Variants in CPEB2 observed in about 807,000 individuals in gnomAD.
CPEB2 encodes cytoplasmic polyadenylation element-binding protein 2.
In CPEB2, 56 loss-of-function variants were observed where a neutral mutation model predicts 93.6. That is an observed-to-expected ratio of 0.60 (90% CI 0.48 to 0.75). The LOEUF (loss-of-function observed/expected upper bound fraction) is 0.75. Ranked by LOEUF, CPEB2 falls within the 30% of genes least tolerant of loss-of-function variation. The pLI, the probability that CPEB2 is intolerant of heterozygous loss-of-function variation, is 0.00. For missense variants in CPEB2, 1,579 were observed against 1,395.1 expected, an observed-to-expected ratio of 1.13 and a Z score of -2.10; for synonymous variants, 764 against 586.3, an observed-to-expected ratio of 1.30 and a Z score of -4.38.
Position 15,008,370 on chromosome 4 carries a change from C to G in CPEB2, c.1977C>G (p.Gly659=), listed in dbSNP as rs1302190399. The G allele has an allele frequency of 1.2e-6, 2 of 1,613,732 alleles. No individual in the cohort carries two copies. Among genetic ancestry groups the G allele is most frequent in the South Asian group, 2.2e-5 (2 of 91,062 alleles). ...CTAGTTTGCAGTTGCCAGCTTGGGG[C>G]TCAGATTCACTCCAAGATAGTTGGT... ...VRSSLQLPAW[G]SDSLQDSWCT... Residue 659 remains glycine (G), a synonymous_variant, in exon 3 of 12, where the codon GGC becomes GGG. Coordinates refer to ENST00000538197, the MANE Select transcript of CPEB2 (RefSeq NM_001177382.2).
chr4:15,038,665 T>G (rs1726880199), intron 5 of CPEB2, among the ~76,000 whole-genome samples: 1 of 151,404 alleles, frequency 6.6e-6, no homozygotes, highest in Admixed American at 6.6e-5. Flanking sequence ...CTCATCTACC[T>G]GCAACCTCTG....
Position 15,031,938 on chromosome 4 carries a change from T to C in CPEB2, c.2126-1223T>C, listed in dbSNP as rs370295002. 7.9e-5 allele frequency among the ~76,000 whole-genome samples: 12 copies of C among 152,236 alleles called. No homozygotes were observed. In the East Asian group the frequency reaches 1.2e-3, roughly 15 times the overall value. ...GGTAAAGGTAGATGCAGTTAATCTG[T>C]AGAGGACTTGCTGAGGTGGTAAAGG... On this transcript the variant is annotated intron_variant, in intron 4 of 11. Transcript: ENST00000538197.
chr4:15,034,872 G>T (rs1293728156), intron 5 of CPEB2, among the ~76,000 whole-genome samples: 1 of 152,036 alleles, frequency 6.6e-6, no homozygotes, highest in Admixed American at 6.6e-5. Flanking sequence ...GCCAAGAAAG[G>T]TACTAATAGG....
intron 8 of CPEB2, among the ~76,000 whole-genome samples, chr4:15,054,579 A>G (rs1043507739): frequency 7.9e-5 from 12 of 152,358 alleles, no homozygotes; most frequent in African/African-American, 2.9e-4. Context: ...AATAATTTAG[A>G]TAAAAGACAA....
intron 3 of CPEB2, among the ~76,000 whole-genome samples, chr4:15,009,106 G>A (rs1723161466): frequency 6.6e-6 from 1 of 152,192 alleles, no homozygotes; most frequent in African/African-American, 2.4e-5. Context: ...ACCAGGTGGT[G>A]AGGATTATTA....
intron 2 of CPEB2, 41 bp downstream of exon 2, chr4:15,007,627 C>G (rs745841533): frequency 6.8e-6 from 9 of 1,330,986 alleles, no homozygotes; most frequent in Non-Finnish European, 8.0e-6. Context: ...TAATGTTAAT[C>G]TTTCAAAATA....
At chr4:15,057,709 A>C (rs1281601522) in intron 8 of CPEB2, among the ~76,000 whole-genome samples, 2 of 152,214 alleles carry the variant, frequency 1.3e-5, no homozygotes, top group African/African-American at 4.8e-5. Context: ...GATAGTCTCC[A>C]GACAGTTTGA....
chr4:15,029,407 G>C (rs990898044), intron 4 of CPEB2, among the ~76,000 whole-genome samples: 1 of 151,886 alleles, frequency 6.6e-6, no homozygotes, highest in Non-Finnish European at 1.5e-5. Context: ...AGATCCTCTA[G>C]TTATTCACTG....
In CPEB2 at chr4:15,052,494, A is replaced by G; in HGVS notation, c.2281A>G (p.Thr761Ala). The G allele has an allele frequency of 6.3e-7, 1 of 1,598,482 alleles. No homozygotes were observed. Among genetic ancestry groups the G allele is most frequent in the African/African-American group, 1.3e-5 (1 of 74,590 alleles). ...TCAAGTTGGAGTTTTAAATTCACCC[A>G]CCTGTTATTCAGCTCACCAAAATGG... ...SDQVGVLNSP[T>A]CYSAHQNGER... The change falls in exon 7 of 12, where the codon ACC (threonine) becomes GCC (alanine). Residue 761 changes from threonine (T) to alanine (A), a missense_variant. By Grantham distance (58) the Thr-to-Ala change is moderately conservative. Coordinates refer to ENST00000538197, the MANE Select transcript of CPEB2 (RefSeq NM_001177382.2).
intron 5 of CPEB2, among the ~76,000 whole-genome samples, chr4:15,036,412 T>C (rs1008657077): frequency 2.6e-5 from 4 of 152,144 alleles, no homozygotes; most frequent in Admixed American, 6.5e-5. Context: ...TCACATTATA[T>C]AGAATTGTGT....
At chr4:15,033,524 A>G (rs1203518665) in intron 5 of CPEB2, among the ~76,000 whole-genome samples, 1 of 152,214 alleles carries the variant, frequency 6.6e-6, no homozygotes, top group Non-Finnish European at 1.5e-5. Flanking sequence ...CCATCTCTGT[A>G]ATGAGAATAT....
At chr4:15,029,715 C>A (rs1161551470) in intron 4 of CPEB2, among the ~76,000 whole-genome samples, 1 of 152,080 alleles carries the variant, frequency 6.6e-6, no homozygotes, top group Non-Finnish European at 1.5e-5. Context: ...AACATTAACA[C>A]TTCTAGAGTA....
intron 8 of CPEB2, among the ~76,000 whole-genome samples, 177 bp from the exon 9 acceptor site, chr4:15,058,244 C>T (rs1328368045): frequency 6.6e-6 from 1 of 151,778 alleles, no homozygotes; most frequent in Non-Finnish European, 1.5e-5. Flanking sequence ...TACTGAGTAT[C>T]TGTTTTAATG....
chr4:15,005,647 G>GT (rs1256937067), intron 1 of CPEB2, among the ~76,000 whole-genome samples: 1 of 152,150 alleles, frequency 6.6e-6, no homozygotes, highest in East Asian at 1.9e-4. Flanking sequence ...GTTGACCAAA[G>GT]TTTTCAAGGA....
chr4:15,054,774 A>G (rs903668479), intron 8 of CPEB2, among the ~76,000 whole-genome samples: 5 of 152,146 alleles, frequency 3.3e-5, no homozygotes, highest in African/African-American at 9.7e-5. Context: ...CTGTGGGGAG[A>G]GGAAGTATAT....
chr4:15,025,054 T>A (rs1260580771), intron 4 of CPEB2, among the ~76,000 whole-genome samples: 1 of 152,128 alleles, frequency 6.6e-6, no homozygotes, highest in African/African-American at 2.4e-5. Context: ...TCCCATTTTT[T>A]AATATTACCT....
intron 6 of CPEB2, among the ~76,000 whole-genome samples, chr4:15,043,459 GA>G (rs1466484103): frequency 2.6e-5 from 4 of 152,192 alleles, no homozygotes; most frequent in South Asian, 2.1e-4. Context: ...TTCATATGGG[GA>G]GCTGACTTTA....
intron 6 of CPEB2, among the ~76,000 whole-genome samples, chr4:15,049,920 A>G (rs1728063241): frequency 6.6e-6 from 1 of 151,924 alleles, no homozygotes; most frequent in Non-Finnish European, 1.5e-5. Flanking sequence ...CTTGTCCCCA[A>G]CCCATTCTGT....
chr4:15,007,002 C>T (rs1222454321), intron 1 of CPEB2, among the ~76,000 whole-genome samples: 2 of 151,976 alleles, frequency 1.3e-5, no homozygotes, highest in Non-Finnish European at 2.9e-5. Context: ...CAATTTTTTT[C>T]TTCATATTTA....
Sources: gnomAD v4.1 joint callset for allele counts (sites outside exome capture counted in the v4.1 genomes callset) on GRCh38, gnomAD v4.1.1 for gene constraint, MANE v1.5 for transcripts, NCBI Gene and HGNC (gene_info 2026-07-23, HGNC 2026-07-21) for gene names.